Variants in CGGBP1 observed in about 807,000 individuals in gnomAD.
The protein encoded by CGGBP1 is CGG triplet repeat binding protein 1, also known as CGG triplet repeat-binding protein 1.
A neutral mutation model predicts 11.4 loss-of-function variants in CGGBP1; 4 were observed. The observed-to-expected ratio is 0.35, with a 90% CI of 0.17 to 0.80. CGGBP1 has a LOEUF of 0.80. Among genes scored for constraint, CGGBP1 ranks in the 30% least tolerant of loss-of-function variants. The probability of loss-of-function intolerance (pLI) is 0.52; values close to 1 mark genes in which losing one functional copy is unlikely to be tolerated. For synonymous variants in CGGBP1, 76 were observed against 74.1 expected, an observed-to-expected ratio of 1.03 and a Z score of -0.13; for missense variants, 135 against 202.1, an observed-to-expected ratio of 0.67 and a Z score of 2.01.
At chr3:88,069,421 C>A (rs1286340521) in intron 2 of CGGBP1, among the ~76,000 whole-genome samples, 1 of 150,592 alleles carries the variant, frequency 6.6e-6, no homozygotes, top group Non-Finnish European at 1.5e-5. Context: ...GACTCTGTTT[C>A]AAAAAAAAAG....
chr3:88,090,788 G>A (rs1402908706), intron 2 of CGGBP1, among the ~76,000 whole-genome samples: 1 of 152,038 alleles, frequency 6.6e-6, no homozygotes, highest in Admixed American at 6.6e-5. Flanking sequence ...GGCTTCCCTG[G>A]CCACATTGGA....
chr3:88,105,318 C>A (rs1266675748), intron 2 of CGGBP1, among the ~76,000 whole-genome samples: 1 of 152,080 alleles, frequency 6.6e-6, no homozygotes, highest in Admixed American at 6.6e-5. Context: ...TCTTGGAGAT[C>A]ATTCCACAGT....
chr3:88,072,074 T>C (rs1214757875), intron 2 of CGGBP1, among the ~76,000 whole-genome samples: 2 of 152,162 alleles, frequency 1.3e-5, no homozygotes, highest in African/African-American at 2.4e-5. Flanking sequence ...TTGTAGAGGG[T>C]ATTCCTTTAA....
At chr3:88,135,377 A>G in intron 2 of CGGBP1, 1 of 412,644 alleles carries the variant, frequency 2.4e-6, no homozygotes, top group Admixed American at 4.5e-5. Flanking sequence ...TCAACATGGG[A>G]GGCTGATTTA....
intron 2 of CGGBP1, among the ~76,000 whole-genome samples, chr3:88,074,489 C>A (rs1333464536): frequency 1.3e-5 from 2 of 152,008 alleles, no homozygotes; most frequent in Non-Finnish European, 2.9e-5. Flanking sequence ...TTACAGGCAT[C>A]TGCCTCCATG....
At position 88,051,983 on chromosome 3, in the gene CGGBP1, C is replaced by A. The variant is rs773992666; in HGVS notation, c.*3490G>T. 2.6e-5 allele frequency: 4 copies of A among 152,418 alleles called. No homozygotes were observed. Among genetic ancestry groups the A allele is most frequent in the African/African-American group, 4.8e-5 (2 of 41,422 alleles). The allele number at this position is 152,418 out of a possible 1,614,324, so 9.4% of individuals were successfully genotyped here. ...AATCAGGAAATATATTTGTCATTGA[C>A]TCACAAAACAAAATGTGCTTTCAAA... On this transcript the variant is annotated 3_prime_UTR_variant, in exon 4 of 4. Transcript: ENST00000482016.
intron 2 of CGGBP1, chr3:88,135,050 C>T (rs1249733166): frequency 1.5e-6 from 2 of 1,370,578 alleles, no homozygotes; most frequent in African/African-American, 1.5e-5. Context: ...CTCTTTTTTT[C>T]TCATTTACAG....
intron 2 of CGGBP1, chr3:88,129,747 G>A (rs1354159356): frequency 6.5e-7 from 1 of 1,528,710 alleles, no homozygotes; most frequent in Non-Finnish European, 8.8e-7. Context: ...TGAAAAAGAA[G>A]GCAAAACTAT....
chr3:88,125,573 T>A (rs892810726), intron 2 of CGGBP1, among the ~76,000 whole-genome samples: 11 of 152,216 alleles, frequency 7.2e-5, no homozygotes, highest in Admixed American at 3.3e-4. Context: ...GTCATTTTTT[T>A]AATCCCAGAA....
At chr3:88,146,971 C>T (rs1441680940) in intron 1 of CGGBP1, among the ~76,000 whole-genome samples, 1 of 152,192 alleles carries the variant, frequency 6.6e-6, no homozygotes, top group Non-Finnish European at 1.5e-5. Flanking sequence ...GGGTTCCCTG[C>T]TTCTACCCTT....
chr3:88,059,314 A>T, upstream of CGGBP1: 3 of 1,533,402 alleles, frequency 2.0e-6, no homozygotes, highest in Non-Finnish European at 1.7e-6. Flanking sequence ...GGGCGGCGAG[A>T]GCCTCATGGC....
chr3:88,145,887 A>C (rs974465425), intron 1 of CGGBP1, among the ~76,000 whole-genome samples: 2 of 152,212 alleles, frequency 1.3e-5, no homozygotes, highest in Admixed American at 6.5e-5. Context: ...TAACCTGATT[A>C]AAATCATACA....
chr3:88,101,966 A>G (rs1292219666), intron 2 of CGGBP1, among the ~76,000 whole-genome samples: 1 of 151,936 alleles, frequency 6.6e-6, no homozygotes, highest in East Asian at 1.9e-4. Flanking sequence ...GGCAAAATCT[A>G]TCAAATTTTT....
rs144281771 is a variant in CGGBP1, at chr3:88,123,610, G to A, written c.-229+17360C>T. Among the ~76,000 whole-genome samples, 757 of 152,208 alleles carry A rather than the reference G, an allele frequency of 5.0e-3. 7 individuals carry two copies. Among genetic ancestry groups the A allele is most frequent in the African/African-American group, 0.017 (692 of 41,526 alleles). ...CCTAGGAATCTGTTTTTTAAAAAGA[G>A]CTCTAAGTGTTTCTTATTTTCAGCC... On this transcript the variant is annotated intron_variant, in intron 2 of 3. Coordinates refer to the CGGBP1 transcript ENST00000462901.
At chr3:88,077,358 G>T (rs1707865262) in intron 2 of CGGBP1, among the ~76,000 whole-genome samples, 1 of 149,406 alleles carries the variant, frequency 6.7e-6, no homozygotes, top group African/African-American at 2.5e-5. Context: ...TTTTGAGACG[G>T]AGTCTCGCTC....
intron 2 of CGGBP1, among the ~76,000 whole-genome samples, chr3:88,069,800 C>A (rs1358289710): frequency 6.6e-6 from 1 of 152,110 alleles, no homozygotes; most frequent in Non-Finnish European, 1.5e-5. Flanking sequence ...GACTGCAAAC[C>A]AGTAGAAGTT....
intron 2 of CGGBP1, among the ~76,000 whole-genome samples, chr3:88,072,298 G>A (rs1707558870): frequency 6.6e-6 from 1 of 152,110 alleles, no homozygotes; most frequent in African/African-American, 2.4e-5. Flanking sequence ...CTCACTTTCA[G>A]TTTATTTTTT....
Position 88,147,439 on chromosome 3 carries a change from A to AG in CGGBP1, c.-338+2271dup, listed in dbSNP as rs1320767114. ...GAGGCAAGAACCTATGGCAAGTTGA[A>AG]GGAGCAGATGATAAGGGAACCACTG... On this transcript the variant is annotated intron_variant, in intron 1 of 3. Coordinates refer to the CGGBP1 transcript ENST00000462901. 1.3e-4 allele frequency among the ~76,000 whole-genome samples: 20 copies of AG among 152,188 alleles called. 1 individual carries two copies. The highest frequency in any genetic ancestry group is 1.3e-3 in the Admixed American group (20 of 15,292).
intron 3 of CGGBP1, chr3:88,056,291 G>A (rs1482296287): frequency 4.5e-6 from 1 of 223,244 alleles, no homozygotes; most frequent in Non-Finnish European, 8.8e-6. Context: ...ATTATTTAGG[G>A]AAACCTAATC....
Sources: allele counts gnomAD v4.1 joint callset (sites outside exome capture counted in the v4.1 genomes callset), GRCh38; gene constraint gnomAD v4.1.1; transcripts MANE v1.5; gene names NCBI Gene and HGNC (gene_info 2026-07-23, HGNC 2026-07-21).